MAGEC3: variants seen among roughly 807,000 people sequenced by gnomAD.
The protein encoded by MAGEC3 is melanoma-associated antigen C3.
In MAGEC3, 34 loss-of-function variants were observed where a neutral mutation model predicts 35.3. The ratio of observed to expected loss-of-function variants is 0.96; its 90% CI spans 0.73 to 1.28. The LOEUF (loss-of-function observed/expected upper bound fraction) is 1.28. MAGEC3 is among the 50% of genes most tolerant of loss of function. MAGEC3 has a pLI of 0.00. For synonymous variants in MAGEC3, 202 were observed against 185.6 expected (o/e 1.09, Z -0.72); for missense variants, 561 against 483.6 (o/e 1.16, Z -1.50).
intron 4 of MAGEC3, among the ~76,000 whole-genome samples, chrX:141,887,070 T>A (rs1428814507): frequency 8.9e-6 from 1 of 112,262 alleles, no homozygotes; most frequent in Non-Finnish European, 1.9e-5. Context: ...CTGTACCAGA[T>A]GTGGTTTCAT....
At chrX:141,879,734 A>G (rs1320368688) in intron 3 of MAGEC3, among the ~76,000 whole-genome samples, 1 of 110,816 alleles carries the variant, frequency 9.0e-6, no homozygotes, top group East Asian at 2.9e-4. Context: ...GAAGACTCTT[A>G]GAACTGGCCG....
intron 1 of MAGEC3, among the ~76,000 whole-genome samples, chrX:141,843,672 AT>A (rs1309411419): frequency 1.8e-5 from 2 of 111,100 alleles, no homozygotes; most frequent in Non-Finnish European, 3.8e-5. Context: ...CTTTGATACC[AT>A]TTAGATGATT....
At chrX:141,895,197 A>G in intron 4 of MAGEC3, 72 bp from the exon 5 acceptor site, 3 of 1,065,547 alleles carry the variant, frequency 2.8e-6, no homozygotes, top group Admixed American at 4.8e-5. Flanking sequence ...GAAAAGGTGG[A>G]AGGAGGCGGA....
At chrX:141,883,310 A>G (rs144709265) in intron 4 of MAGEC3, among the ~76,000 whole-genome samples, 125 of 112,498 alleles carry the variant, frequency 1.1e-3, no homozygotes, top group Middle Eastern at 4.6e-3. Flanking sequence ...AATGTGGGCA[A>G]CTGTAAGCAA....
intron 1 of MAGEC3, among the ~76,000 whole-genome samples, chrX:141,864,243 G>C (rs1196795036): frequency 4.8e-5 from 5 of 104,953 alleles, no homozygotes; most frequent in Non-Finnish European, 9.7e-5. Flanking sequence ...GCTCTGGGTA[G>C]CTGAAGCAGG....
chrX:141,855,073 C>T (rs1188247527), intron 1 of MAGEC3, among the ~76,000 whole-genome samples: 1 of 111,224 alleles, frequency 9.0e-6, no homozygotes, highest in Non-Finnish European at 1.9e-5. Context: ...TGAGAGTGCT[C>T]ACTCTCAGGA....
At chrX:141,880,631 A>G (rs945562884) in intron 3 of MAGEC3, 3 of 385,831 alleles carry the variant, frequency 7.8e-6, no homozygotes, top group Non-Finnish European at 8.7e-6. Flanking sequence ...CTGTGTACCA[A>G]GGGCCCTACC....
At position 141,838,358 on chromosome X, in the gene MAGEC3, G is replaced by A; in HGVS notation, c.43G>A (p.Asp15Asn). Residue 15 changes from aspartate (D) to asparagine (N), a missense_variant, in exon 1 of 8, where the codon GAT (aspartate) becomes AAT (asparagine). Physicochemically the swap from Asp to Asn is conservative, Grantham distance 23. Transcript: ENST00000298296. ...CHWVLDATFSDGSLGQWVKNT... is the reference protein window; with the variant it reads ...CHWVLDATFSNGSLGQWVKNT... ...CTGGGTGTTGGATGCCACCTTCAGT[G>A]ATGGCAGTCTAGGCCAGTGGGTGAA... 8.3e-7 allele frequency: 1 copy of A among 1,211,221 alleles called. No individual in the cohort carries two copies. The highest frequency in any genetic ancestry group is 1.1e-6 in the Non-Finnish European group (1 of 894,957).
chrX:141,859,748 T>A (rs988131839), intron 1 of MAGEC3, among the ~76,000 whole-genome samples: 1 of 110,928 alleles, frequency 9.0e-6, no homozygotes, highest in Non-Finnish European at 1.9e-5. Context: ...TTTCTTATTG[T>A]CTCCCCTATA....
At chrX:141,878,475 A>G (rs139802340) in intron 2 of MAGEC3, among the ~76,000 whole-genome samples, 8,982 of 112,444 alleles carry the variant, frequency 0.08, 557 homozygotes, top group African/African-American at 0.2. Context: ...CCACAAAGAG[A>G]AGGATCCACA....
At chrX:141,886,077 C>G in intron 4 of MAGEC3, among the ~76,000 whole-genome samples, 1 of 110,988 alleles carries the variant, frequency 9.0e-6, no homozygotes, top group East Asian at 2.8e-4. Context: ...ACTCGACCAT[C>G]AAAGGCAAGG....
chrX:141,895,378 G>C lies in MAGEC3; in HGVS notation c.1019G>C (p.Gly340Ala). 1 of 1,211,101 alleles carries C rather than the reference G, an allele frequency of 8.3e-7. No homozygotes were observed. Among genetic ancestry groups the C allele is most frequent in the East Asian group, 3.0e-5 (1 of 33,747 alleles). Residue 340 changes from glycine (G) to alanine (A), a missense_variant, in exon 5 of 8, where the codon GGA becomes GCA. Transcript: ENST00000298296. The part of the protein sequence containing the change: ...CEESGLRSAE[G>A]SVLDLANPQG... ...GAGTCTGGACTCAGGTCAGCAGAGGGAAGCGTCTTAGACCTGGCCAATCCT... is the reference window on the plus strand; with the variant it reads ...GAGTCTGGACTCAGGTCAGCAGAGGCAAGCGTCTTAGACCTGGCCAATCCT...
chrX:141,875,410 G>A (rs1302951669), intron 2 of MAGEC3, among the ~76,000 whole-genome samples: 2 of 111,256 alleles, frequency 1.8e-5, no homozygotes, highest in Admixed American at 9.6e-5. Context: ...TTGAACTCAG[G>A]GAATGCCCTC....
In MAGEC3 at chrX:141,885,566, G is replaced by A. The variant is rs1185770165; in HGVS notation, c.909+3770G>A. On this transcript the variant is annotated intron_variant, in intron 4 of 7. Coordinates refer to ENST00000298296, the MANE Select transcript of MAGEC3 (RefSeq NM_138702.1). ...TGTAATCCCAGCTACTCAAGAGGCT[G>A]AGGCAGAGAATTGCTTGAACCCGGG... Among the ~76,000 whole-genome samples, 6 of 104,129 alleles carry A rather than the reference G, an allele frequency of 5.8e-5. No homozygotes were observed. The East Asian group carries it at 1.8e-3, about 32-fold the overall frequency. 90.4% of individuals were successfully genotyped at this position (104,129 alleles called of 115,157 possible). A position where few individuals can be genotyped will look rare whatever the true frequency, so the allele number is the denominator to read the frequency against.
intron 2 of MAGEC3, among the ~76,000 whole-genome samples, chrX:141,867,898 G>A (rs754570258): frequency 2.8e-4 from 31 of 112,078 alleles, no homozygotes; most frequent in Admixed American, 1.6e-3. Context: ...CAAGGCGGGC[G>A]GATCATGAGG....
chrX:141,871,955 T>TGCA (rs2017890970), intron 2 of MAGEC3, among the ~76,000 whole-genome samples: 1 of 108,654 alleles, frequency 9.2e-6, no homozygotes. Context: ...TGCAGGGGGT[T>TGCA]GAGAATACAG....
At position 141,897,103 on chromosome X, in the gene MAGEC3, G is replaced by C. The variant is rs1419940623; in HGVS notation, c.1345G>C (p.Glu449Gln). The C allele has an allele frequency of 1.7e-6, 2 of 1,211,861 alleles. No individual in the cohort carries two copies. The highest frequency in any genetic ancestry group is 2.2e-6 in the Non-Finnish European group (2 of 895,484). The change falls in exon 7 of 8, where the codon GAA becomes CAA. Residue 449 changes from glutamate to glutamine, a missense_variant. Physicochemically the swap from Glu to Gln is conservative, Grantham distance 29. Transcript: ENST00000298296. The part of the protein sequence containing the change: ...TATWHALPES[E>Q]SLPRYALDEK... ...TACTTGGCATGCCTTGCCAGAAAGT[G>C]AATCCTTGCCCAGGTATGCCCTGGA...
chrX:141,882,586 G>A, intron 4 of MAGEC3, among the ~76,000 whole-genome samples: 1 of 112,107 alleles, frequency 8.9e-6, no homozygotes, highest in Non-Finnish European at 1.9e-5. Flanking sequence ...TTATACTGTT[G>A]TTCTTGAAAA....
intron 1 of MAGEC3, among the ~76,000 whole-genome samples, chrX:141,855,652 A>C (rs940147852): frequency 8.9e-6 from 1 of 111,971 alleles, no homozygotes; most frequent in Non-Finnish European, 1.9e-5. Context: ...AGAAGGTTCC[A>C]TTTTTAACCA....
Sources: gnomAD v4.1 joint callset for allele counts (sites outside exome capture counted in the v4.1 genomes callset) on GRCh38, gnomAD v4.1.1 for gene constraint, MANE v1.5 for transcripts, NCBI Gene and HGNC (gene_info 2026-07-23, HGNC 2026-07-21) for gene names.